Variants in CFAP95 observed in about 807,000 individuals in gnomAD.
The protein encoded by CFAP95 is cilia and flagella associated protein 95.
the CFAP95 span, chr9:69,821,050 C>T: frequency 6.2e-7 from 1 of 1,610,218 alleles, no homozygotes; most frequent in Non-Finnish European, 8.5e-7. Flanking sequence ...AGTCCCCTCG[C>T]AAGTTCCCGG....
chr9:69,871,084 G>A, the CFAP95 span, among the ~76,000 whole-genome samples: 7 of 152,084 alleles, frequency 4.6e-5, no homozygotes, highest in African/African-American at 1.7e-4. Context: ...CCAGCATGGT[G>A]GCACACACCT....
chr9:69,854,811 TG>T, the CFAP95 span, among the ~76,000 whole-genome samples: 1 of 152,222 alleles, frequency 6.6e-6, no homozygotes, highest in Non-Finnish European at 1.5e-5. Context: ...TGGCAGTGGC[TG>T]GGTTTCTGTT....
chr9:69,905,988 A>G, the CFAP95 span: 2 of 1,611,628 alleles, frequency 1.2e-6, no homozygotes, highest in Non-Finnish European at 1.7e-6. Flanking sequence ...TCCATAGTCC[A>G]CAGAAAATGC....
chr9:69,853,498 C>G, the CFAP95 span, among the ~76,000 whole-genome samples: 1 of 152,124 alleles, frequency 6.6e-6, no homozygotes, highest in African/African-American at 2.4e-5. Context: ...GATTATCCTG[C>G]GAGTTTGTGC....
chr9:69,882,981 T>C, the CFAP95 span, among the ~76,000 whole-genome samples: 2 of 152,228 alleles, frequency 1.3e-5, no homozygotes, highest in Non-Finnish European at 2.9e-5. Flanking sequence ...TTTGGAAGTA[T>C]ACCTTCTGCC....
the CFAP95 span, among the ~76,000 whole-genome samples, chr9:69,862,500 C>A: frequency 1.3e-5 from 2 of 152,162 alleles, no homozygotes; most frequent in African/African-American, 4.8e-5. Context: ...AATCTGCTCT[C>A]CTGAATATTA....
At chr9:69,844,692 AG>A in the CFAP95 span, 17 of 1,190,322 alleles carry the variant, frequency 1.4e-5, no homozygotes, top group Non-Finnish European at 1.8e-5. Flanking sequence ...AAAAAGGTAA[AG>A]GGAGGAGTGT....
At chr9:69,832,844 A>T in the CFAP95 span, among the ~76,000 whole-genome samples, 1 of 151,332 alleles carries the variant, frequency 6.6e-6, no homozygotes. Context: ...ATCCCTCCCT[A>T]TTTGGACTTC....
the CFAP95 span, among the ~76,000 whole-genome samples, chr9:69,877,057 A>G: frequency 6.6e-6 from 1 of 152,228 alleles, no homozygotes; most frequent in Non-Finnish European, 1.5e-5. Flanking sequence ...TAAATATGAA[A>G]TGTCAAATTC....
At chr9:69,844,566 G>C in the CFAP95 span, 6 of 1,613,424 alleles carry the variant, frequency 3.7e-6, no homozygotes, top group Non-Finnish European at 5.1e-6. Flanking sequence ...AGAGGGTCCT[G>C]AGAAAGTTAA....
the CFAP95 span, among the ~76,000 whole-genome samples, chr9:69,895,801 T>A: frequency 1.2e-4 from 19 of 152,188 alleles, no homozygotes; most frequent in African/African-American, 4.3e-4. Flanking sequence ...TGAAGTTATT[T>A]ATTAACTTTT....
chr9:69,849,158 A>C, the CFAP95 span, among the ~76,000 whole-genome samples: 73,376 of 152,064 alleles, frequency 0.48, 18,447 homozygotes, highest in African/African-American at 0.62. Flanking sequence ...AGTTATTAAT[A>C]GTTTGTCACC....
the CFAP95 span, among the ~76,000 whole-genome samples, chr9:69,891,192 G>C: frequency 6.6e-6 from 1 of 152,200 alleles, no homozygotes; most frequent in Non-Finnish European, 1.5e-5. Context: ...TCAGAGTAAA[G>C]AAGAAACTAT....
At chr9:69,832,388 T>C in the CFAP95 span, among the ~76,000 whole-genome samples, 1 of 152,252 alleles carries the variant, frequency 6.6e-6, no homozygotes, top group African/African-American at 2.4e-5. Flanking sequence ...TATTGTTTGG[T>C]TTCCACATAT....
At chr9:69,876,950 T>C in the CFAP95 span, among the ~76,000 whole-genome samples, 4 of 152,236 alleles carry the variant, frequency 2.6e-5, no homozygotes, top group Non-Finnish European at 5.9e-5. Flanking sequence ...GTTAGATTTA[T>C]AATAAACATC....
chr9:69,874,413 T>G, the CFAP95 span, among the ~76,000 whole-genome samples: 2 of 152,190 alleles, frequency 1.3e-5, no homozygotes, highest in African/African-American at 4.8e-5. Flanking sequence ...ATTACAATGA[T>G]TAATGGCCTT....
the CFAP95 span, among the ~76,000 whole-genome samples, chr9:69,826,974 A>G: frequency 1.3e-5 from 2 of 152,242 alleles, no homozygotes; most frequent in Non-Finnish European, 2.9e-5. Flanking sequence ...TTTCACAGCC[A>G]TGCTCTTGAT....
the CFAP95 span, chr9:69,858,050 G>C: frequency 1.4e-6 from 2 of 1,401,194 alleles, no homozygotes; most frequent in African/African-American, 2.8e-5. Flanking sequence ...CAGGGGCAAA[G>C]GTATGACAGG....
At chr9:69,836,640 A>G in the CFAP95 span, among the ~76,000 whole-genome samples, 1 of 151,722 alleles carries the variant, frequency 6.6e-6, no homozygotes, top group Non-Finnish European at 1.5e-5. Flanking sequence ...AAAAGTATCC[A>G]AATTCCTATG....
Sources: allele counts gnomAD v4.1 joint callset (sites outside exome capture counted in the v4.1 genomes callset), GRCh38; gene constraint gnomAD v4.1.1; transcripts MANE v1.5; gene names NCBI Gene and HGNC (gene_info 2026-07-23, HGNC 2026-07-21).